The following ADGRA3 variants were observed in gnomAD, a reference collection of about 807,000 sequenced individuals.
ADGRA3 encodes G-protein coupled receptor 125.
Under a neutral mutation model 119.8 loss-of-function variants are expected in ADGRA3, and 56 were observed. The observed-to-expected ratio is 0.47, with a 90% CI of 0.38 to 0.58. The LOEUF is 0.58. Among genes scored for constraint, ADGRA3 ranks in the 20% least tolerant of loss-of-function variants. The pLI is 0.00. For missense variants in ADGRA3, 1,516 were observed against 1,649.0 expected (o/e 0.92, Z 1.40); for synonymous variants, 607 against 623.8 (o/e 0.97, Z 0.40).
intron 7 of ADGRA3, among the ~76,000 whole-genome samples, chr4:22,439,614 T>A (rs1716530146): frequency 6.6e-6 from 1 of 152,172 alleles, no homozygotes; most frequent in African/African-American, 2.4e-5. Context: ...ATATTATGAA[T>A]CATCAAAGAA....
intron 1 of ADGRA3, among the ~76,000 whole-genome samples, chr4:22,476,495 A>C (rs1353807147): frequency 6.6e-6 from 1 of 152,226 alleles, no homozygotes; most frequent in African/African-American, 2.4e-5. Context: ...GATGAAGAGA[A>C]AAATGCTTAC....
chr4:22,495,134 T>A (rs556962048), intron 1 of ADGRA3, among the ~76,000 whole-genome samples: 1 of 152,108 alleles, frequency 6.6e-6, no homozygotes, highest in South Asian at 2.1e-4. Flanking sequence ...GATCCATCCA[T>A]CTAATAACCA....
At position 22,388,762 on chromosome 4, in the gene ADGRA3, A is replaced by T; in HGVS notation, c.2909T>A (p.Ile970Lys). Residue 970 changes from isoleucine (I) to lysine (K), a missense_variant, in exon 19 of 19, where the codon ATA becomes AAA. Physicochemically the swap from Ile to Lys is moderately radical, Grantham distance 102. Transcript: ENST00000334304. ...QRLAANENGE[I>K]NHQDSMSLSL... ...CAAAGACATTGAATCCTGATGATTT[A>T]TTTCGCCATTTTCATTGGCTGCCAA... The T allele has an allele frequency of 6.2e-7, 1 of 1,614,036 alleles. No individual in the cohort carries two copies.
chr4:22,395,347 A>C (rs1714306373), intron 16 of ADGRA3, among the ~76,000 whole-genome samples: 1 of 152,202 alleles, frequency 6.6e-6, no homozygotes, highest in Non-Finnish European at 1.5e-5. Flanking sequence ...CCAAAAAATA[A>C]ACTTTATGAT....
chr4:22,479,192 G>A (rs143404898), intron 1 of ADGRA3, among the ~76,000 whole-genome samples: 12,599 of 152,192 alleles, frequency 0.083, 583 homozygotes, highest in Non-Finnish European at 0.092. Context: ...GGCTGGGCAC[G>A]GTGGCTCACG....
intron 16 of ADGRA3, among the ~76,000 whole-genome samples, chr4:22,399,584 GTC>G (rs751975410): frequency 6.6e-6 from 1 of 151,564 alleles, no homozygotes; most frequent in African/African-American, 2.4e-5. Context: ...CTGAATGGTG[GTC>G]TCTCTTCCCC....
chr4:22,450,191 A>G (rs989471292), intron 4 of ADGRA3, among the ~76,000 whole-genome samples: 1 of 152,114 alleles, frequency 6.6e-6, no homozygotes, highest in Non-Finnish European at 1.5e-5. Flanking sequence ...GAACAAAGTC[A>G]CTGCTCCTGT....
At chr4:22,509,362 G>A (rs1719356681) in intron 1 of ADGRA3, among the ~76,000 whole-genome samples, 1 of 151,990 alleles carries the variant, frequency 6.6e-6, no homozygotes, top group Non-Finnish European at 1.5e-5. Flanking sequence ...AATTAGCTGG[G>A]CGTGGTGGCG....
At chr4:22,479,916 G>A (rs181697925) in intron 1 of ADGRA3, among the ~76,000 whole-genome samples, 40 of 152,188 alleles carry the variant, frequency 2.6e-4, no homozygotes, top group Admixed American at 2.1e-3. Context: ...AATACCTCAC[G>A]TTCTCACTTA....
In ADGRA3 at chr4:22,499,933, G is replaced by A. The variant is rs371821452; in HGVS notation, c.257+15595C>T. 9.9e-5 allele frequency among the ~76,000 whole-genome samples: 15 copies of A among 152,014 alleles called. No homozygotes were observed. The East Asian group carries it at 1.9e-3, about 20-fold the overall frequency. On this transcript the variant is annotated intron_variant, in intron 1 of 18. Coordinates refer to ENST00000334304, the MANE Select transcript of ADGRA3 (RefSeq NM_145290.4). Reference sequence around the variant, plus strand: ...TGGGACCAAAAGTGTTTCTGATTTCGCCTTTTTTCAGAATTTGGAATATTT... The same window carrying A: ...TGGGACCAAAAGTGTTTCTGATTTCACCTTTTTTCAGAATTTGGAATATTT...
At chr4:22,453,490 C>A (rs994275431) in intron 4 of ADGRA3, among the ~76,000 whole-genome samples, 36 of 152,200 alleles carry the variant, frequency 2.4e-4, no homozygotes, top group Admixed American at 2.3e-3. Context: ...GATTTGAAAT[C>A]TCTTCCCTTA....
rs555632395 is a variant in ADGRA3 at position 22,461,865 on chromosome 4, CACAAT to C, written c.330-62_330-58del. The stretch of plus-strand genomic sequence containing the variant: ...ATCAACACTGCAACAAGTATTCAGG[CACAAT>C]ACACTTACCTGCTATACAAAAAAAA... On this transcript the variant is annotated intron_variant, in intron 2 of 18. Transcript: ENST00000334304. 27 of 1,063,084 alleles carry C rather than the reference CACAAT, an allele frequency of 2.5e-5. No homozygotes were observed. The African/African-American group carries it at 3.3e-4, about 13-fold the overall frequency. 65.9% of individuals were successfully genotyped at this position (1,063,084 alleles called of 1,614,324 possible).
chr4:22,417,919 G>A (rs960009193), intron 12 of ADGRA3, among the ~76,000 whole-genome samples: 3 of 152,178 alleles, frequency 2.0e-5, no homozygotes, highest in Non-Finnish European at 4.4e-5. Context: ...AGCTCTAGAT[G>A]TCTGGGATGT....
chr4:22,398,141 A>T (rs960956571), intron 16 of ADGRA3: 75 of 982,266 alleles, frequency 7.6e-5, no homozygotes, highest in Non-Finnish European at 9.1e-5. Context: ...GTAACAGCCT[A>T]AAACAAAAAT....
intron 2 of ADGRA3, among the ~76,000 whole-genome samples, chr4:22,463,900 T>C (rs1476565080): frequency 6.6e-6 from 1 of 152,210 alleles, no homozygotes; most frequent in African/African-American, 2.4e-5. Flanking sequence ...TGATAGAGAC[T>C]GGACTAGAAA....
At position 22,388,842 on chromosome 4, in the gene ADGRA3, T is replaced by C. The variant is rs1713971130; in HGVS notation, c.2829A>G (p.Lys943=). Residue 943 remains lysine (K), a synonymous_variant, in exon 19 of 19, where the codon AAA becomes AAG. Coordinates refer to ENST00000334304, the MANE Select transcript of ADGRA3 (RefSeq NM_145290.4). ...MYFLSIFIQL[K]RHPERKYELK... The stretch of plus-strand genomic sequence containing the variant: ...GCTCATATTTGCGCTCAGGGTGTCT[T>C]TTCAACTGAATAAATATGCTCAGAA... The C allele has an allele frequency of 6.2e-7, 1 of 1,614,100 alleles. No homozygotes were observed. Among genetic ancestry groups the C allele is most frequent in the Non-Finnish European group, 8.5e-7 (1 of 1,179,992 alleles).
At chr4:22,454,356 A>C (rs544690804) in intron 4 of ADGRA3, among the ~76,000 whole-genome samples, 1 of 152,150 alleles carries the variant, frequency 6.6e-6, no homozygotes, top group Non-Finnish European at 1.5e-5. Context: ...AAGTCAAACA[A>C]TTCACCCCAG....
In ADGRA3 at chr4:22,480,458, G is replaced by C. The variant is rs968337065; in HGVS notation, c.258-6615C>G. On this transcript the variant is annotated intron_variant, in intron 1 of 18. Coordinates refer to ENST00000334304, the MANE Select transcript of ADGRA3 (RefSeq NM_145290.4). The stretch of plus-strand genomic sequence containing the variant: ...GGAGGTGAAGGTGGGAGGATTGCTT[G>C]AGCCCAGAAGTTCAATATCAGCGTG... 3.9e-5 allele frequency among the ~76,000 whole-genome samples: 6 copies of C among 152,226 alleles called. No homozygotes were observed. The Middle Eastern group carries it at 0.01, about 259-fold the overall frequency.
intron 1 of ADGRA3, chr4:22,514,718 T>C (rs1314727082): frequency 1.3e-5 from 2 of 152,176 alleles, no homozygotes; most frequent in African/African-American, 4.8e-5. Flanking sequence ...AACTCGACAG[T>C]CACTGGGGCC....
Sources: gnomAD v4.1 joint callset for allele counts (sites outside exome capture counted in the v4.1 genomes callset) on GRCh38, gnomAD v4.1.1 for gene constraint, MANE v1.5 for transcripts, NCBI Gene and HGNC (gene_info 2026-07-23, HGNC 2026-07-21) for gene names.